The following ADGRL2 variants were observed in gnomAD, a reference collection of about 807,000 sequenced individuals.
The protein encoded by ADGRL2 is calcium-independent alpha-latrotoxin receptor 2.
Under a neutral mutation model 157.4 loss-of-function variants are expected in ADGRL2, and 44 were observed. That is an observed-to-expected ratio of 0.28 (90% CI 0.22 to 0.36). The LOEUF (loss-of-function observed/expected upper bound fraction) is 0.36, where lower values mean the gene tolerates loss of function less well. Among genes scored for constraint, ADGRL2 ranks in the 10% least tolerant of loss-of-function variants. ADGRL2 has a pLI of 1.00. For missense variants in ADGRL2, 1,510 were observed against 1,768.9 expected, an observed-to-expected ratio of 0.85 and a Z score of 2.63; for synonymous variants, 585 against 624.7, an observed-to-expected ratio of 0.94 and a Z score of 0.95.
Position 81,383,825 on chromosome 1 carries a change from A to AAAAG in ADGRL2, c.-301-61210_-301-61209insAAGA, listed in dbSNP as rs773227675. ...TAAAAATACAAAAAAAAAAAAAAAA[A>AAAAG]AGAGAGCCGGGCGTGGTACTTGGGA... On this transcript the variant is annotated intron_variant, in intron 1 of 24. Transcript: ENST00000370721. Among the ~76,000 whole-genome samples the AAAAG allele has an allele frequency of 2.3e-3, 325 of 143,960 alleles. 5 individuals are homozygous for AAAAG. The highest frequency in any genetic ancestry group is 4.8e-3 in the South Asian group (22 of 4,614). 94.4% of individuals were successfully genotyped at this position (143,960 alleles called of 152,430 possible).
At chr1:81,763,123 A>T (rs2085956432) in intron 2 of ADGRL2, among the ~76,000 whole-genome samples, 1 of 151,890 alleles carries the variant, frequency 6.6e-6, no homozygotes, top group African/African-American at 2.4e-5. Context: ...GTTTGTCTTA[A>T]TTCTTCATTT....
chr1:81,970,542 A>G lies in ADGRL2; in HGVS notation c.2954+8A>G, dbSNP rs1388414747. 6.2e-7 allele frequency: 1 copy of G among 1,600,774 alleles called. No individual in the cohort carries two copies. Among genetic ancestry groups the G allele is most frequent in the Non-Finnish European group, 8.5e-7 (1 of 1,170,766 alleles). On this transcript the variant is annotated splice_region_variant and intron_variant, in intron 16 of 23. Coordinates refer to ENST00000686636, the MANE Select transcript of ADGRL2 (RefSeq NM_001366006.2). Reference sequence around the variant, plus strand: ...CTATGGAACAGAAAAAGCGTAAGTAATTGCAAGCGACCTGAGTGTTTTTCA... The same window carrying G: ...CTATGGAACAGAAAAAGCGTAAGTAGTTGCAAGCGACCTGAGTGTTTTTCA...
At chr1:81,646,040 T>C (rs916357516) in intron 3 of ADGRL2, among the ~76,000 whole-genome samples, 1 of 152,166 alleles carries the variant, frequency 6.6e-6, no homozygotes, top group African/African-American at 2.4e-5. Flanking sequence ...TAATTCTCAT[T>C]CATATTTTTA....
At chr1:81,536,965 A>G (rs976133472) in intron 2 of ADGRL2, among the ~76,000 whole-genome samples, 2 of 152,260 alleles carry the variant, frequency 1.3e-5, no homozygotes, top group Non-Finnish European at 2.9e-5. Context: ...GGTTCTCAGT[A>G]GGCAATACTG....
At chr1:81,420,100 C>T (rs1357457095) in intron 1 of ADGRL2, among the ~76,000 whole-genome samples, 3 of 152,134 alleles carry the variant, frequency 2.0e-5, no homozygotes, top group African/African-American at 7.2e-5. Context: ...ATAGAGGCAA[C>T]CTAACCTGTA....
At chr1:81,375,581 TTA>T (rs2076235380) in intron 1 of ADGRL2, among the ~76,000 whole-genome samples, 1 of 152,200 alleles carries the variant, frequency 6.6e-6, no homozygotes, top group Non-Finnish European at 1.5e-5. Flanking sequence ...ATTGGAAATA[TTA>T]CCATCTTTAG....
At chr1:81,590,211 C>T (rs1393824368) in intron 3 of ADGRL2, among the ~76,000 whole-genome samples, 3 of 152,162 alleles carry the variant, frequency 2.0e-5, no homozygotes, top group Non-Finnish European at 4.4e-5. Context: ...TAAGAGAACT[C>T]ACTCAGGTAT....
chr1:81,903,448 G>C (rs190048770), intron 2 of ADGRL2, among the ~76,000 whole-genome samples: 78 of 152,028 alleles, frequency 5.1e-4, no homozygotes, highest in Non-Finnish European at 6.6e-4. Context: ...AAGGGTTCTG[G>C]AGTCTAAGCT....
rs548054953 is a variant in ADGRL2 at position 81,541,498 on chromosome 1, A to G, written c.-247-39378A>G. ...AACTCTCACCTTTTCACACACCCACATTGGCAAACACCTCAGCCTAAGAGA... is the reference window on the plus strand; with the variant it reads ...AACTCTCACCTTTTCACACACCCACGTTGGCAAACACCTCAGCCTAAGAGA... On this transcript the variant is annotated intron_variant, in intron 2 of 24. Transcript: ENST00000370721. Among the ~76,000 whole-genome samples the G allele has an allele frequency of 2.0e-4, 30 of 152,254 alleles. No individual in the cohort carries two copies. In the East Asian group the frequency reaches 5.6e-3, roughly 29 times the overall value.
chr1:81,364,787 C>A (rs1181770051), intron 1 of ADGRL2, among the ~76,000 whole-genome samples: 1 of 151,606 alleles, frequency 6.6e-6, no homozygotes, highest in Non-Finnish European at 1.5e-5. Context: ...GCAACCTACA[C>A]CTCCCAGGTT....
chr1:81,696,258 T>A (rs1192715707), upstream of ADGRL2, among the ~76,000 whole-genome samples: 3 of 152,168 alleles, frequency 2.0e-5, no homozygotes, highest in African/African-American at 7.2e-5. Context: ...GAGTGTGTTG[T>A]CCGTGTAAAG....
chr1:81,612,943 A>G (rs1365977500), intron 3 of ADGRL2, among the ~76,000 whole-genome samples: 1 of 152,204 alleles, frequency 6.6e-6, no homozygotes, highest in African/African-American at 2.4e-5. Flanking sequence ...CTTTGTTGTT[A>G]TTATTAAGAT....
chr1:81,700,884 A>T (rs1436522729), intron 1 of ADGRL2, among the ~76,000 whole-genome samples: 1 of 152,232 alleles, frequency 6.6e-6, no homozygotes, highest in Non-Finnish European at 1.5e-5. Context: ...TGAAGATATG[A>T]CCAGTTTGCA....
intron 2 of ADGRL2, among the ~76,000 whole-genome samples, chr1:81,521,571 A>G (rs2079315929): frequency 6.6e-6 from 1 of 152,218 alleles, no homozygotes; most frequent in Non-Finnish European, 1.5e-5. Flanking sequence ...CTACTTAGTC[A>G]CTGAAGCTTT....
At chr1:81,475,417 A>G (rs1001372516) in intron 2 of ADGRL2, among the ~76,000 whole-genome samples, 2 of 152,164 alleles carry the variant, frequency 1.3e-5, no homozygotes, top group African/African-American at 2.4e-5. Context: ...AAAGGTATCT[A>G]CTAGCCTTTA....
chr1:81,726,286 T>C (rs924976960), intron 1 of ADGRL2, among the ~76,000 whole-genome samples: 10 of 152,158 alleles, frequency 6.6e-5, no homozygotes, highest in African/African-American at 2.4e-4. Context: ...CATCCTTCCC[T>C]GGACTCATCC....
chr1:81,587,047 G>A (rs1490299823), intron 3 of ADGRL2, among the ~76,000 whole-genome samples: 2 of 152,014 alleles, frequency 1.3e-5, no homozygotes, highest in Non-Finnish European at 2.9e-5. Flanking sequence ...AATGACTGAA[G>A]ACAGGAGCAA....
chr1:81,367,926 A>G (rs12098203), intron 1 of ADGRL2, among the ~76,000 whole-genome samples: 18,843 of 152,168 alleles, frequency 0.12, 1,341 homozygotes, highest in African/African-American at 0.17. Context: ...CCAGTCTATC[A>G]TTGATGGGCA....
At chr1:81,603,748 A>AG (rs1389138210) in intron 3 of ADGRL2, among the ~76,000 whole-genome samples, 2 of 117,060 alleles carry the variant, frequency 1.7e-5, no homozygotes, top group Non-Finnish European at 4.4e-5. Context: ...TTTTATGCCC[A>AG]AAAAAAAGGA....
Sources: gnomAD v4.1 joint callset for allele counts (sites outside exome capture counted in the v4.1 genomes callset) on GRCh38, gnomAD v4.1.1 for gene constraint, MANE v1.5 for transcripts, NCBI Gene and HGNC (gene_info 2026-07-23, HGNC 2026-07-21) for gene names.